Variants in FAF1 observed in about 807,000 individuals in gnomAD.
FAF1 encodes the protein Fas associated factor 1, also known as FAS-associated factor 1.
Under a neutral mutation model 92.5 loss-of-function variants are expected in FAF1, and 25 were observed. That is an observed-to-expected ratio of 0.27 (90% CI 0.20 to 0.38). The LOEUF (loss-of-function observed/expected upper bound fraction) is 0.38, where lower values mean the gene tolerates loss of function less well. Among genes scored for constraint, FAF1 ranks in the 10% least tolerant of loss-of-function variants. The pLI, the probability that FAF1 is intolerant of heterozygous loss-of-function variation, is 1.00. For missense variants in FAF1, 636 were observed against 793.3 expected (o/e 0.80, Z 2.38); for synonymous variants, 234 against 273.2 (o/e 0.86, Z 1.42).
At chr1:50,901,240 G>A (rs1355644564) in intron 1 of FAF1, among the ~76,000 whole-genome samples, 2 of 152,072 alleles carry the variant, frequency 1.3e-5, no homozygotes, top group African/African-American at 4.8e-5. Flanking sequence ...TCAGAAAAAG[G>A]CAACAAAAAC....
chr1:50,563,316 A>G (rs1447234604), intron 13 of FAF1, among the ~76,000 whole-genome samples: 1 of 152,216 alleles, frequency 6.6e-6, no homozygotes, highest in Non-Finnish European at 1.5e-5. Context: ...CTGTAGTCCC[A>G]GCTACTCAGA....
At chr1:50,546,805 T>C (rs1649041590) in intron 13 of FAF1, among the ~76,000 whole-genome samples, 1 of 152,222 alleles carries the variant, frequency 6.6e-6, no homozygotes, top group Non-Finnish European at 1.5e-5. Flanking sequence ...TTAATGTGAA[T>C]GTGTTAGCCA....
intron 15 of FAF1, among the ~76,000 whole-genome samples, chr1:50,510,373 G>A (rs1424537589): frequency 6.6e-6 from 1 of 152,130 alleles, no homozygotes; most frequent in East Asian, 1.9e-4. Context: ...TTCCCCTAAG[G>A]ACTGTTTAGG....
At chr1:50,779,576 A>C (rs997486636) in intron 4 of FAF1, among the ~76,000 whole-genome samples, 1 of 151,564 alleles carries the variant, frequency 6.6e-6, no homozygotes, top group Non-Finnish European at 1.5e-5. Flanking sequence ...AGATAAATAT[A>C]GAAAATTATA....
At chr1:50,794,351 C>T (rs1326924042) in intron 3 of FAF1, among the ~76,000 whole-genome samples, 3 of 152,226 alleles carry the variant, frequency 2.0e-5, no homozygotes, top group South Asian at 2.1e-4. Flanking sequence ...TGTAGTACTA[C>T]GACCACAATC....
chr1:50,479,586 T>C (rs1430484289), intron 17 of FAF1, among the ~76,000 whole-genome samples: 2 of 152,232 alleles, frequency 1.3e-5, no homozygotes, highest in East Asian at 3.8e-4. Flanking sequence ...TTCTTGGTTT[T>C]CTCTCCTTTT....
At chr1:50,812,765 T>A (rs983331735) in intron 2 of FAF1, among the ~76,000 whole-genome samples, 1 of 152,198 alleles carries the variant, frequency 6.6e-6, no homozygotes, top group African/African-American at 2.4e-5. Context: ...TAAAGATACA[T>A]GCGTGTATCT....
At chr1:50,630,811 T>C (rs1653740615) in intron 8 of FAF1, among the ~76,000 whole-genome samples, 1 of 150,806 alleles carries the variant, frequency 6.6e-6, no homozygotes, top group Non-Finnish European at 1.5e-5. Context: ...CCAGTTTACA[T>C]ATCTAGTGTA....
At chr1:50,647,281 C>T (rs1654640974) in intron 8 of FAF1, among the ~76,000 whole-genome samples, 1 of 152,206 alleles carries the variant, frequency 6.6e-6, no homozygotes, top group Non-Finnish European at 1.5e-5. Flanking sequence ...ATCTCAGCAG[C>T]CATTCTTCAA....
chr1:50,479,908 A>T (rs1373456345), intron 17 of FAF1, among the ~76,000 whole-genome samples: 1 of 152,208 alleles, frequency 6.6e-6, no homozygotes, highest in Non-Finnish European at 1.5e-5. Context: ...CCAAAAAAAT[A>T]ACAAAAATAC....
intron 18 of FAF1, among the ~76,000 whole-genome samples, chr1:50,463,481 TTC>T (rs766438181): frequency 1.3e-5 from 2 of 152,172 alleles, no homozygotes; most frequent in African/African-American, 2.4e-5. Context: ...TGAAAATGTT[TTC>T]TGTTTAGGGT....
intron 1 of FAF1, among the ~76,000 whole-genome samples, chr1:50,886,878 C>A (rs1426416334): frequency 6.6e-6 from 1 of 152,150 alleles, no homozygotes; most frequent in African/African-American, 2.4e-5. Context: ...ACTTATAATC[C>A]TCTGGGTATA....
chr1:50,561,848 C>A (rs139308966), intron 13 of FAF1, among the ~76,000 whole-genome samples: 74 of 128,544 alleles, frequency 5.8e-4, no homozygotes, highest in African/African-American at 1.2e-3. Flanking sequence ...GACGGATGGA[C>A]GGAAGGAAGG....
chr1:50,449,457 T>C (rs1572748607), intron 18 of FAF1, among the ~76,000 whole-genome samples: 1 of 152,046 alleles, frequency 6.6e-6, no homozygotes, highest in Non-Finnish European at 1.5e-5. Flanking sequence ...AATTAGCATT[T>C]ACTTTGAACT....
chr1:50,665,890 G>T (rs1226177042), intron 7 of FAF1, among the ~76,000 whole-genome samples: 1 of 151,998 alleles, frequency 6.6e-6, no homozygotes, highest in Non-Finnish European at 1.5e-5. Context: ...ACAGAAAAAA[G>T]ATCAGGCCAG....
chr1:50,576,536 C>T (rs1267074379), intron 12 of FAF1, among the ~76,000 whole-genome samples: 1 of 152,078 alleles, frequency 6.6e-6, no homozygotes, highest in Non-Finnish European at 1.5e-5. Context: ...TAATGATTCT[C>T]CAGGGTACTT....
chr1:50,622,199 G>T (rs559215932), intron 8 of FAF1, among the ~76,000 whole-genome samples: 1 of 151,336 alleles, frequency 6.6e-6, no homozygotes, highest in East Asian at 1.9e-4. Flanking sequence ...AAAAAAGAAA[G>T]ATTACCCTGC....
intron 8 of FAF1, among the ~76,000 whole-genome samples, chr1:50,651,982 C>T (rs1183005033): frequency 6.6e-6 from 1 of 152,166 alleles, no homozygotes; most frequent in Non-Finnish European, 1.5e-5. Context: ...TCTGCTGTGG[C>T]ATCAGTTAAA....
chr1:50,889,668 A>T (rs988794207), intron 1 of FAF1, among the ~76,000 whole-genome samples: 22 of 152,072 alleles, frequency 1.4e-4, no homozygotes, highest in Admixed American at 1.4e-3. Context: ...CATGTAGTTG[A>T]GCAGTTTTGA....
Sources: gnomAD v4.1 joint callset for allele counts (sites outside exome capture counted in the v4.1 genomes callset) on GRCh38, gnomAD v4.1.1 for gene constraint, MANE v1.5 for transcripts, NCBI Gene and HGNC (gene_info 2026-07-23, HGNC 2026-07-21) for gene names.